DAB1: variants seen among roughly 807,000 people sequenced by gnomAD.
DAB1 encodes the protein disabled homolog 1.
Under a neutral mutation model 64.6 loss-of-function variants are expected in DAB1, and 15 were observed. That is an observed-to-expected ratio of 0.23 (90% confidence interval 0.16 to 0.36). The LOEUF is 0.36. Ranked by LOEUF, DAB1 falls within the 10% of genes least tolerant of loss-of-function variation. DAB1 has a pLI of 1.00. For missense variants in DAB1, 596 were observed against 706.7 expected, an observed-to-expected ratio of 0.84 and a Z score of 1.78; for synonymous variants, 235 against 251.9, an observed-to-expected ratio of 0.93 and a Z score of 0.64.
intron 1 of DAB1, among the ~76,000 whole-genome samples, chr1:57,336,156 C>G (rs541291999): frequency 6.6e-6 from 1 of 152,136 alleles, no homozygotes; most frequent in Admixed American, 6.5e-5. Flanking sequence ...TTATTTTTTT[C>G]TCCACATTTT....
chr1:57,697,212 G>GATGA (rs59255304), intron 6 of DAB1, among the ~76,000 whole-genome samples: 4,834 of 152,012 alleles, frequency 0.032, 250 homozygotes, highest in African/African-American at 0.11. Context: ...AGATCTGTCA[G>GATGA]ATGAATGAAT....
chr1:58,414,392 G>A (rs1644697751), intron 3 of DAB1, among the ~76,000 whole-genome samples: 1 of 152,174 alleles, frequency 6.6e-6, no homozygotes. Context: ...TTCCAGCATA[G>A]GACTCACCCC....
At chr1:57,575,285 T>C (rs908707955) in intron 7 of DAB1, among the ~76,000 whole-genome samples, 2 of 152,270 alleles carry the variant, frequency 1.3e-5, no homozygotes, top group African/African-American at 4.8e-5. Context: ...AAATGTTGAA[T>C]AGTGTTAATA....
chr1:57,589,181 T>C (rs1645414430), intron 7 of DAB1, among the ~76,000 whole-genome samples: 2 of 151,924 alleles, frequency 1.3e-5, no homozygotes, highest in African/African-American at 2.4e-5. Flanking sequence ...GATCATGCCA[T>C]TGCACTCCAG....
At position 57,487,111 on chromosome 1, in the gene DAB1, G is replaced by A. The variant is rs148841388; in HGVS notation, n.625+162481C>T. On this transcript the variant is annotated intron_variant and non_coding_transcript_variant, in intron 7 of 20. Coordinates refer to the DAB1 transcript ENST00000485760. The stretch of plus-strand genomic sequence containing the variant: ...GACACAGAAGAGCAAGCCAGATGGT[G>A]GCCCAGGTCAAGTCTAGACATTCAG... Among the ~76,000 whole-genome samples, 21 of 152,278 alleles carry A rather than the reference G, an allele frequency of 1.4e-4. 2 individuals carry two copies. The East Asian group carries it at 1.9e-3, about 14-fold the overall frequency.
intron 5 of DAB1, among the ~76,000 whole-genome samples, chr1:58,144,359 T>A (rs946261453): frequency 6.6e-6 from 1 of 152,218 alleles, no homozygotes; most frequent in Non-Finnish European, 1.5e-5. Context: ...CTTTCTTACT[T>A]CAAAATAACA....
chr1:57,047,534 G>A (rs1349249328), intron 9 of DAB1, among the ~76,000 whole-genome samples: 1 of 152,162 alleles, frequency 6.6e-6, no homozygotes, highest in Non-Finnish European at 1.5e-5. Flanking sequence ...CTCTGAGGAA[G>A]GGCCGCATGA....
intron 4 of DAB1, among the ~76,000 whole-genome samples, chr1:58,301,856 G>A (rs1662178308): frequency 6.6e-6 from 1 of 152,132 alleles, no homozygotes; most frequent in Admixed American, 6.6e-5. Flanking sequence ...AAAAATAAAA[G>A]CATCTACCCT....
rs1396477323 is a variant in DAB1 at position 58,195,924 on chromosome 1, T to G, written n.310-45336A>C. On this transcript the variant is annotated intron_variant and non_coding_transcript_variant, in intron 4 of 20. Transcript: ENST00000485760. ...AGTGACTTTCCCAAGCTCATAAAGC[T>G]AGCATGCAGTGAAGTTGAGATTTTA... 3.3e-5 allele frequency among the ~76,000 whole-genome samples: 5 copies of G among 152,222 alleles called. No individual in the cohort carries two copies. In the South Asian group the frequency reaches 8.3e-4, roughly 25 times the overall value.
In DAB1 at chr1:57,753,423, C is replaced by T. The variant is rs529541456; in HGVS notation, n.552-103758G>A. ...TATAGAAAAACAAGTGCATGGGCCTCGGAACCAGGAGGAAAGGATTCCAAT... is the reference window on the plus strand; with the variant it reads ...TATAGAAAAACAAGTGCATGGGCCTTGGAACCAGGAGGAAAGGATTCCAAT... On this transcript the variant is annotated intron_variant and non_coding_transcript_variant, in intron 6 of 20. Transcript: ENST00000485760. 7.9e-5 allele frequency among the ~76,000 whole-genome samples: 12 copies of T among 152,274 alleles called. No homozygotes were observed. The South Asian group carries it at 1.7e-3, about 21-fold the overall frequency.
intron 2 of DAB1, among the ~76,000 whole-genome samples, chr1:57,179,241 G>A (rs990188841): frequency 1.3e-5 from 2 of 152,166 alleles, no homozygotes; most frequent in Non-Finnish European, 2.9e-5. Context: ...GGTGCTCAAA[G>A]AGGCCCCCAC....
At chr1:57,177,759 G>A (rs1177570460) in intron 2 of DAB1, among the ~76,000 whole-genome samples, 5 of 152,026 alleles carry the variant, frequency 3.3e-5, no homozygotes, top group Non-Finnish European at 4.4e-5. Flanking sequence ...TCTGATCAAA[G>A]TACAGGCCAT....
At chr1:57,364,079 A>AT (rs1679771031) in intron 1 of DAB1, among the ~76,000 whole-genome samples, 1 of 151,960 alleles carries the variant, frequency 6.6e-6, no homozygotes, top group African/African-American at 2.4e-5. Flanking sequence ...GTCTATTTTG[A>AT]TTTTTTCCCT....
intron 4 of DAB1, among the ~76,000 whole-genome samples, chr1:58,173,772 A>G (rs1656308123): frequency 6.6e-6 from 1 of 152,092 alleles, no homozygotes; most frequent in South Asian, 2.1e-4. Flanking sequence ...CTGCCTCCCT[A>G]CTAACTGGAA....
In DAB1 at chr1:57,959,212, T is replaced by C. The variant is rs75383631; in HGVS notation, n.388-75050A>G. On this transcript the variant is annotated intron_variant and non_coding_transcript_variant, in intron 5 of 20. Transcript: ENST00000485760. ...CATTGAGCTTCCTCTTCAACTGAAA[T>C]ATGGGACAGGTGAGGTGGGGAATGG... Among the ~76,000 whole-genome samples the C allele has an allele frequency of 4.9e-3, 750 of 152,310 alleles. 9 individuals carry two copies. The highest frequency in any genetic ancestry group is 0.017 in the African/African-American group (720 of 41,564).
intron 1 of DAB1, among the ~76,000 whole-genome samples, chr1:57,833,737 T>C (rs539647096): frequency 1.4e-4 from 21 of 152,310 alleles, no homozygotes; most frequent in Admixed American, 1.1e-3. Flanking sequence ...ATTTCTAGCC[T>C]ACCCTAACTG....
At chr1:57,687,599 C>CAAAAAAA (rs57316234) in intron 6 of DAB1, among the ~76,000 whole-genome samples, 1,014 of 82,368 alleles carry the variant, frequency 0.012, 2 homozygotes, top group East Asian at 0.021. Flanking sequence ...TCTTAAGAAA[C>CAAAAAAA]AAAAAAAAAA....
At chr1:58,156,786 G>T (rs900771577) in intron 4 of DAB1, among the ~76,000 whole-genome samples, 1 of 152,176 alleles carries the variant, frequency 6.6e-6, no homozygotes, top group Non-Finnish European at 1.5e-5. Context: ...TGTGGAAGGA[G>T]TTTAGACTGA....
chr1:58,300,646 G>GAGGAAGGA lies in DAB1; in HGVS notation n.309+42698_309+42705dup, dbSNP rs750819465. Among the ~76,000 whole-genome samples, 94 of 57,294 alleles carry GAGGAAGGA rather than the reference G, an allele frequency of 1.6e-3. 1 individual carries two copies. Among genetic ancestry groups the GAGGAAGGA allele is most frequent in the Non-Finnish European group, 1.2e-3 (35 of 28,296 alleles). The allele number at this position is 57,294 out of a possible 152,430, so 37.6% of individuals were successfully genotyped here. ...AGAGAGAGAGAGAGAGAGAGAGAGA[G>GAGGAAGGA]AGGAAGGAAGGAAGGAAGGAAGGAA... On this transcript the variant is annotated intron_variant and non_coding_transcript_variant, in intron 4 of 20. Coordinates refer to the DAB1 transcript ENST00000485760.
Sources: gnomAD v4.1 joint callset for allele counts (sites outside exome capture counted in the v4.1 genomes callset) on GRCh38, gnomAD v4.1.1 for gene constraint, MANE v1.5 for transcripts, NCBI Gene and HGNC (gene_info 2026-07-23, HGNC 2026-07-21) for gene names.